Variants in UBE4A observed in about 807,000 individuals in gnomAD.
The protein encoded by UBE4A is ubiquitination factor E4A.
A neutral mutation model predicts 117.9 loss-of-function variants in UBE4A; 48 were observed. The ratio of observed to expected loss-of-function variants is 0.41; its 90% CI spans 0.32 to 0.52. The LOEUF (loss-of-function observed/expected upper bound fraction) is 0.52. Among genes scored for constraint, UBE4A ranks in the 20% least tolerant of loss-of-function variants. The pLI is 0.33. For missense variants in UBE4A, 1,067 were observed against 1,296.3 expected, an observed-to-expected ratio of 0.82 and a Z score of 2.72; for synonymous variants, 407 against 450.0, an observed-to-expected ratio of 0.90 and a Z score of 1.21.
intron 16 of UBE4A, among the ~76,000 whole-genome samples, chr11:118,389,049 T>C (rs569085126): frequency 6.6e-6 from 1 of 152,206 alleles, no homozygotes; most frequent in South Asian, 2.1e-4. Context: ...TCTAACCCTT[T>C]GGAAGCCGAG....
chr11:118,366,049 A>T (rs1948559899), intron 2 of UBE4A, among the ~76,000 whole-genome samples: 1 of 141,854 alleles, frequency 7.0e-6, no homozygotes, highest in Admixed American at 7.1e-5. Flanking sequence ...TTTTCCCTTT[A>T]TTTTGTTTAT....
intron 9 of UBE4A, 119 bp downstream of exon 9, chr11:118,375,348 A>G: frequency 9.5e-7 from 1 of 1,054,550 alleles, no homozygotes; most frequent in South Asian, 2.3e-5. Flanking sequence ...GGCAGAAACG[A>G]GCTATTTCGA....
intron 3 of UBE4A, 25 bp from the exon 4 acceptor site, chr11:118,369,398 C>G: frequency 1.3e-6 from 2 of 1,553,002 alleles, no homozygotes; most frequent in Non-Finnish European, 8.9e-7. Flanking sequence ...TATCCTTAAC[C>G]TATCATATTA....
intron 10 of UBE4A, among the ~76,000 whole-genome samples, chr11:118,377,257 G>A (rs946459557): frequency 6.6e-6 from 1 of 152,120 alleles, no homozygotes; most frequent in Admixed American, 6.6e-5. Context: ...ACCTTGGCTG[G>A]AGTACAGTGG....
chr11:118,380,890 A>T (rs1948699665), intron 11 of UBE4A, among the ~76,000 whole-genome samples: 1 of 152,186 alleles, frequency 6.6e-6, no homozygotes, highest in Non-Finnish European at 1.5e-5. Context: ...TGGAGACTGT[A>T]AGCTTTTATA....
At chr11:118,391,437 G>A (rs552179113) in intron 18 of UBE4A, among the ~76,000 whole-genome samples, 9 of 148,418 alleles carry the variant, frequency 6.1e-5, no homozygotes, top group South Asian at 2.2e-4. Flanking sequence ...TGCAGTGATC[G>A]CAACCACTGC....
chr11:118,390,155 G>A (rs1387253845), intron 17 of UBE4A, among the ~76,000 whole-genome samples: 2 of 151,826 alleles, frequency 1.3e-5, no homozygotes, highest in Admixed American at 6.6e-5. Context: ...TTTGAGACCA[G>A]CCTGGGCAAC....
At chr11:118,389,343 A>G (rs1948790425) in intron 16 of UBE4A, among the ~76,000 whole-genome samples, 1 of 152,240 alleles carries the variant, frequency 6.6e-6, no homozygotes, top group Non-Finnish European at 1.5e-5. Flanking sequence ...CTAAAATGAT[A>G]AAGTATTTGC....
Position 118,397,360 on chromosome 11 carries a change from G to A in UBE4A, c.*920G>A, listed in dbSNP as rs184664028. 6.6e-6 allele frequency: 1 copy of A among 152,228 alleles called. No homozygotes were observed. Among genetic ancestry groups the A allele is most frequent in the African/African-American group, 2.4e-5 (1 of 41,520 alleles). The allele number at this position is 152,228 out of a possible 1,614,324, so 9.4% of individuals were successfully genotyped here. ...CACTTTATATTTTCTCTTCCATAGT[G>A]AGATGTATGCAGTATGTGGCCATGT... On this transcript the variant is annotated 3_prime_UTR_variant, in exon 20 of 20. Transcript: ENST00000252108.
At chr11:118,387,555 A>T (rs1948770957) in intron 16 of UBE4A, among the ~76,000 whole-genome samples, 1 of 152,208 alleles carries the variant, frequency 6.6e-6, no homozygotes, top group Non-Finnish European at 1.5e-5. Flanking sequence ...GTTATCAAAG[A>T]TACCAAAAAA....
At chr11:118,393,765 T>C (rs987850611) in intron 19 of UBE4A, among the ~76,000 whole-genome samples, 9 of 151,922 alleles carry the variant, frequency 5.9e-5, no homozygotes, top group Non-Finnish European at 1.0e-4. Flanking sequence ...CTGGCTAATT[T>C]TTGTATTTGT....
intron 16 of UBE4A, 85 bp from the exon 17 acceptor site, chr11:118,389,640 C>A (rs1202682266): frequency 1.6e-6 from 2 of 1,251,618 alleles, no homozygotes; most frequent in Non-Finnish European, 2.1e-6. Context: ...AACAGTAGTT[C>A]CCAGAGGTCT....
intron 16 of UBE4A, among the ~76,000 whole-genome samples, chr11:118,388,384 C>T (rs1485098301): frequency 6.6e-6 from 1 of 152,142 alleles, no homozygotes; most frequent in African/African-American, 2.4e-5. Flanking sequence ...GGCACGGTGG[C>T]TCACGCCTGT....
At chr11:118,366,291 AG>A (rs1414131814) in intron 2 of UBE4A, among the ~76,000 whole-genome samples, 1 of 152,202 alleles carries the variant, frequency 6.6e-6, no homozygotes, top group African/African-American at 2.4e-5. Flanking sequence ...TAGGGGAAAA[AG>A]CAGAGTGAAA....
In UBE4A at chr11:118,382,644, C is replaced by T; in HGVS notation, c.2065C>T (p.Pro689Ser). ...KLAEVLEAVM[P>S]HLDQTPNPLV... ...AGCAGAGGTGTTGGAAGCAGTGATG[C>T]CCCACCTGGATCAGACCCCAAATCC... Residue 689 changes from proline to serine, a missense_variant, in exon 13 of 20, where the codon CCC (proline) becomes TCC (serine). Physicochemically the swap from Pro to Ser is moderately conservative, Grantham distance 74. Coordinates refer to ENST00000252108, the MANE Select transcript of UBE4A (RefSeq NM_001204077.2). 6.3e-7 allele frequency: 1 copy of T among 1,597,150 alleles called. No individual in the cohort carries two copies. The highest frequency in any genetic ancestry group is 8.5e-7 in the Non-Finnish European group (1 of 1,169,810).
chr11:118,390,403 TTATTATTA>T (rs1272091774), intron 17 of UBE4A, among the ~76,000 whole-genome samples: 1 of 132,096 alleles, frequency 7.6e-6, no homozygotes, highest in African/African-American at 3.0e-5. Context: ...TATTTATAAT[TTATTATTA>T]TATTTTATAT....
At chr11:118,366,058 AT>A (rs1271373717) in intron 2 of UBE4A, among the ~76,000 whole-genome samples, 13 of 138,346 alleles carry the variant, frequency 9.4e-5, no homozygotes, top group African/African-American at 2.6e-4. Flanking sequence ...TATTTTGTTT[AT>A]TTAAAAAAAA....
chr11:118,397,834 T>G lies in UBE4A; in HGVS notation c.*1394T>G, dbSNP rs1555130106. ...CAACACAAGTTGCTATAAGCAGTCC[T>G]TGATGGGTTTTTGATTGCATCAGCT... On this transcript the variant is annotated 3_prime_UTR_variant, in exon 20 of 20. Transcript: ENST00000252108. 1 of 152,222 alleles carries G rather than the reference T, an allele frequency of 6.6e-6. No homozygotes were observed. The highest frequency in any genetic ancestry group is 2.4e-5 in the African/African-American group (1 of 41,460). 9.4% of individuals were successfully genotyped at this position (152,222 alleles called of 1,614,324 possible).
intron 10 of UBE4A, among the ~76,000 whole-genome samples, chr11:118,378,327 A>C (rs1555125740): frequency 6.6e-6 from 1 of 152,100 alleles, no homozygotes; most frequent in Non-Finnish European, 1.5e-5. Flanking sequence ...ATATTAAGGA[A>C]ATGTTTATAA....
Sources: gnomAD v4.1 joint callset for allele counts (sites outside exome capture counted in the v4.1 genomes callset) on GRCh38, gnomAD v4.1.1 for gene constraint, MANE v1.5 for transcripts, NCBI Gene and HGNC (gene_info 2026-07-23, HGNC 2026-07-21) for gene names.